The following CHCHD3 variants were observed in gnomAD, a reference collection of about 807,000 sequenced individuals.
The protein encoded by CHCHD3 is MICOS complex subunit MIC19.
A neutral mutation model predicts 38.2 loss-of-function variants in CHCHD3; 20 were observed. The observed-to-expected ratio is 0.52, with a 90% CI of 0.37 to 0.76. The LOEUF (loss-of-function observed/expected upper bound fraction) is 0.76, where lower values mean the gene tolerates loss of function less well. Among genes scored for constraint, CHCHD3 ranks in the 30% least tolerant of loss-of-function variants. The pLI, the probability that CHCHD3 is intolerant of heterozygous loss-of-function variation, is 0.00. For missense variants in CHCHD3, 245 were observed against 279.2 expected (o/e 0.88, Z 0.87); for synonymous variants, 82 against 100.0 (o/e 0.82, Z 1.07).
In CHCHD3 at chr7:132,885,693, T is replaced by C; in HGVS notation, c.422A>G (p.Tyr141Cys). 1.2e-6 allele frequency: 2 copies of C among 1,609,286 alleles called. No individual in the cohort carries two copies. Among genetic ancestry groups the C allele is most frequent in the Non-Finnish European group, 1.7e-6 (2 of 1,178,456 alleles). ...DRVLKKQDAF[Y>C]KEQLARLEER... ...CTCCAGTCTAGCCAGCTGTTCTTTG[T>C]AGAATGCATCCTGCTTCTTTAGCAC... Residue 141 changes from tyrosine (Y) to cysteine (C), a missense_variant, in exon 5 of 8, where the codon TAC becomes TGC. Coordinates refer to ENST00000262570, the MANE Select transcript of CHCHD3 (RefSeq NM_017812.4).
intron 3 of CHCHD3, among the ~76,000 whole-genome samples, chr7:133,020,639 G>A (rs1813152866): frequency 6.6e-6 from 1 of 152,194 alleles, no homozygotes. Flanking sequence ...CTATCTGCCA[G>A]GCGGCAGTCC....
intron 4 of CHCHD3, among the ~76,000 whole-genome samples, chr7:132,922,250 A>C (rs1810279828): frequency 6.6e-6 from 1 of 152,102 alleles, no homozygotes; most frequent in African/African-American, 2.4e-5. Flanking sequence ...CAGCACAAGC[A>C]CTGGACCCTT....
chr7:133,071,068 T>C (rs535826872), intron 1 of CHCHD3, among the ~76,000 whole-genome samples: 14 of 152,322 alleles, frequency 9.2e-5, no homozygotes, highest in African/African-American at 2.9e-4. Context: ...CAGCTGGCAA[T>C]AGAGCAGAGG....
At chr7:132,868,677 T>C (rs1236002385) in intron 5 of CHCHD3, among the ~76,000 whole-genome samples, 1 of 152,186 alleles carries the variant, frequency 6.6e-6, no homozygotes, top group East Asian at 1.9e-4. Flanking sequence ...AAAATTGATA[T>C]AAACATCCCA....
chr7:132,918,003 C>A (rs77738693), intron 4 of CHCHD3, among the ~76,000 whole-genome samples: 3,083 of 151,962 alleles, frequency 0.02, 76 homozygotes, highest in East Asian at 0.11. Flanking sequence ...CAGAACGCAG[C>A]AAAGAAAAGA....
rs1169942229 is a variant in CHCHD3 at position 132,821,826 on chromosome 7, A to G, written c.524+16573T>C. ...GCCGGACTGCGGACTGCAGTGGCGCAATCTCGGCTCACTGCAAGCTCCGCT... is the reference window on the plus strand; with the variant it reads ...GCCGGACTGCGGACTGCAGTGGCGCGATCTCGGCTCACTGCAAGCTCCGCT... On this transcript the variant is annotated intron_variant, in intron 6 of 7. Transcript: ENST00000262570. Among the ~76,000 whole-genome samples, 5 of 138,988 alleles carry G rather than the reference A, an allele frequency of 3.6e-5. No individual in the cohort carries two copies. The East Asian group carries it at 1.1e-3, about 30-fold the overall frequency. 91.2% of individuals were successfully genotyped at this position (138,988 alleles called of 152,430 possible).
chr7:133,032,417 G>C (rs1189369323), intron 2 of CHCHD3, among the ~76,000 whole-genome samples: 1 of 152,188 alleles, frequency 6.6e-6, no homozygotes, highest in African/African-American at 2.4e-5. Context: ...AGAAGGCAGT[G>C]TTAGGAAGAG....
At chr7:132,838,519 T>C (rs776454414) in intron 5 of CHCHD3, 50 bp from the exon 6 acceptor site, 3 of 1,354,254 alleles carry the variant, frequency 2.2e-6, no homozygotes, top group Admixed American at 3.8e-5. Flanking sequence ...GATGACAAAA[T>C]GTGTGGAAGA....
At chr7:133,073,231 T>C (rs1038942178) in intron 1 of CHCHD3, among the ~76,000 whole-genome samples, 21 of 152,228 alleles carry the variant, frequency 1.4e-4, no homozygotes, top group African/African-American at 5.1e-4. Flanking sequence ...CTCCTAGGAC[T>C]CTGGCCACAT....
chr7:133,064,828 T>C (rs781752731), intron 2 of CHCHD3, among the ~76,000 whole-genome samples: 4 of 152,220 alleles, frequency 2.6e-5, no homozygotes, highest in Non-Finnish European at 5.9e-5. Flanking sequence ...ATCATTTTTA[T>C]CTGGTTGCCA....
intron 2 of CHCHD3, among the ~76,000 whole-genome samples, chr7:133,033,139 T>C (rs1329849916): frequency 1.3e-5 from 2 of 152,236 alleles, no homozygotes; most frequent in East Asian, 1.9e-4. Context: ...AGTCTGAATC[T>C]TGAGTTTGTG....
chr7:132,916,594 T>G (rs1431393501), intron 4 of CHCHD3, among the ~76,000 whole-genome samples: 1 of 152,212 alleles, frequency 6.6e-6, no homozygotes, highest in Non-Finnish European at 1.5e-5. Flanking sequence ...TATGCCTTTT[T>G]TAAAAAGAAA....
chr7:132,968,602 A>C (rs1811535864), intron 4 of CHCHD3, among the ~76,000 whole-genome samples: 1 of 152,232 alleles, frequency 6.6e-6, no homozygotes, highest in Non-Finnish European at 1.5e-5. Flanking sequence ...GTTTTAACAG[A>C]GGTTATAATC....
intron 7 of CHCHD3, among the ~76,000 whole-genome samples, chr7:132,794,258 C>G (rs1332614906): frequency 6.6e-6 from 1 of 152,138 alleles, no homozygotes; most frequent in Non-Finnish European, 1.5e-5. Flanking sequence ...ACAAACTTAC[C>G]CACTCAAAAA....
At chr7:133,022,814 G>A (rs1489925554) in intron 3 of CHCHD3, among the ~76,000 whole-genome samples, 1 of 144,646 alleles carries the variant, frequency 6.9e-6, no homozygotes, top group Admixed American at 7.2e-5. Flanking sequence ...TCCCTTTCAT[G>A]AGCCAAGGCA....
intron 2 of CHCHD3, chr7:133,034,589 G>T (rs78193687): frequency 1.3e-6 from 2 of 1,491,178 alleles, no homozygotes; most frequent in African/African-American, 2.9e-5. Context: ...CAGGCAGCTA[G>T]GTGATGGCAA....
chr7:132,951,753 T>C (rs754792911), intron 4 of CHCHD3, among the ~76,000 whole-genome samples: 1 of 152,234 alleles, frequency 6.6e-6, no homozygotes, highest in Non-Finnish European at 1.5e-5. Flanking sequence ...TGCTTGCTTA[T>C]ATTAATACAT....
chr7:132,841,418 A>G (rs1437354603), intron 5 of CHCHD3, among the ~76,000 whole-genome samples: 1 of 139,670 alleles, frequency 7.2e-6, no homozygotes, highest in East Asian at 2.0e-4. Flanking sequence ...AAAAAAACAA[A>G]CAACAACAAC....
chr7:132,941,176 T>A (rs1810758270), intron 4 of CHCHD3, among the ~76,000 whole-genome samples: 1 of 152,164 alleles, frequency 6.6e-6, no homozygotes, highest in Admixed American at 6.5e-5. Context: ...TGAGACTATA[T>A]CCAATGTTAA....
Sources: allele counts gnomAD v4.1 joint callset (sites outside exome capture counted in the v4.1 genomes callset), GRCh38; gene constraint gnomAD v4.1.1; transcripts MANE v1.5; gene names NCBI Gene and HGNC (gene_info 2026-07-23, HGNC 2026-07-21).